The following OR6J1 variants were observed in gnomAD, a reference collection of about 807,000 sequenced individuals.
OR6J1 encodes the protein olfactory receptor family 6 subfamily J member 1.
For synonymous variants in OR6J1, 109 were observed against 70.0 expected, an observed-to-expected ratio of 1.56 and a Z score of -2.78; for missense variants, 304 against 166.8, an observed-to-expected ratio of 1.82 and a Z score of -4.53.
intron 1 of OR6J1, among the ~76,000 whole-genome samples, chr14:22,636,585 T>G (rs1398875006): frequency 8.6e-5 from 10 of 115,638 alleles, no homozygotes; most frequent in South Asian, 2.5e-4. Flanking sequence ...TGGTTTTCGT[T>G]TTTTTTTTTT....
rs577247029 is a variant in OR6J1, at chr14:22,637,926, C to T, written c.-27-3088G>A. Among the ~76,000 whole-genome samples the T allele has an allele frequency of 8.4e-4, 62 of 73,692 alleles. 6 individuals are homozygous for T. The highest frequency in any genetic ancestry group is 3.4e-3 in the South Asian group (8 of 2,364). 48.3% of individuals were successfully genotyped at this position (73,692 alleles called of 152,430 possible). ...GTGGGGGGGTCAGCCCCCGCCCGGC[C>T]GGCCGCCCCGTCCGGGAGGTGAGGG... On this transcript the variant is annotated intron_variant, in intron 1 of 1. Coordinates refer to ENST00000540461, the MANE Select transcript of OR6J1 (RefSeq NM_001348233.2).
At chr14:22,640,257 GC>G (rs2037634614) in intron 1 of OR6J1, among the ~76,000 whole-genome samples, 31 of 89,134 alleles carry the variant, frequency 3.5e-4, no homozygotes, top group Non-Finnish European at 5.3e-4. Context: ...AAGGAAGGAA[GC>G]AAGGAAGGAA....
rs932686643 is a variant in OR6J1, at chr14:22,631,049, G to A, written c.*2719C>T. On this transcript the variant is annotated 3_prime_UTR_variant, in exon 2 of 2. Coordinates refer to ENST00000540461, the MANE Select transcript of OR6J1 (RefSeq NM_001348233.2). ...ACTTTCAAAAGGGGAGGGAGTGTACGAATAGGTGTGGGTCACAGAGGTCAC... is the reference window on the plus strand; with the variant it reads ...ACTTTCAAAAGGGGAGGGAGTGTACAAATAGGTGTGGGTCACAGAGGTCAC... 1 of 152,140 alleles carries A rather than the reference G, an allele frequency of 6.6e-6. No individual in the cohort carries two copies. The highest frequency in any genetic ancestry group is 2.4e-5 in the African/African-American group (1 of 41,414). 9.4% of individuals were successfully genotyped at this position (152,140 alleles called of 1,614,324 possible). A position where few individuals can be genotyped will look rare whatever the true frequency, so the allele number is the denominator to read the frequency against.
chr14:22,641,727 C>A (rs3118891), intron 1 of OR6J1, among the ~76,000 whole-genome samples: 2 of 152,038 alleles, frequency 1.3e-5, no homozygotes, highest in Non-Finnish European at 2.9e-5. Context: ...TGCATGCCCT[C>A]GCACAGCTTT....
At chr14:22,639,389 C>T (rs1192151407) in intron 1 of OR6J1, among the ~76,000 whole-genome samples, 2 of 127,820 alleles carry the variant, frequency 1.6e-5, no homozygotes, top group South Asian at 2.4e-4. Context: ...CCCGGCCAGC[C>T]GCCCCGTCCG....
rs763874163 is a variant in OR6J1 at position 22,634,311 on chromosome 14, G to A, written c.501C>T (p.Phe167=). The change falls in exon 2 of 2, where the codon TTC becomes TTT. Residue 167 remains phenylalanine (F), a synonymous_variant. Coordinates refer to ENST00000540461, the MANE Select transcript of OR6J1 (RefSeq NM_001348233.2). The part of the protein sequence containing the change: ...FPTILISQLP[F]CGSNIINHFF... ...AGTGGTTAATGATATTGGAGCCACA[G>A]AAGGGCAGCTGGGAGATGAGGATGG... The A allele has an allele frequency of 4.3e-6, 3 of 703,462 alleles. No individual in the cohort carries two copies. Among genetic ancestry groups the A allele is most frequent in the East Asian group, 2.7e-5 (1 of 37,290 alleles). 43.6% of individuals were successfully genotyped at this position (703,462 alleles called of 1,614,324 possible). A position where few individuals can be genotyped will look rare whatever the true frequency, so the allele number is the denominator to read the frequency against.
chr14:22,640,132 C>T lies in OR6J1; in HGVS notation c.-28+3966G>A, dbSNP rs111873507. 3.4e-5 allele frequency among the ~76,000 whole-genome samples: 5 copies of T among 147,022 alleles called. 1 individual carries two copies. Among genetic ancestry groups the T allele is most frequent in the African/African-American group, 1.0e-4 (4 of 40,046 alleles). On this transcript the variant is annotated intron_variant, in intron 1 of 1. Transcript: ENST00000540461. ...ATAATTCTACTCCTAGGTAGAGAAA[C>T]TTGCACATATGCCCCAGGAGACAAA...
Position 22,634,240 on chromosome 14 carries a change from G to A in OR6J1, c.572C>T (p.Thr191Ile). Reference protein sequence around the residue: ...GPLLALACADTTAIELMDFML... With the variant: ...GPLLALACADITAIELMDFML... ...AAAATCCATCAGCTCGATGGCAGTG[G>A]TGTCTGCACAGGCCAGGGCCAGCAA... The change falls in exon 2 of 2, where the codon ACC becomes ATC. Residue 191 changes from threonine (T) to isoleucine (I), a missense_variant. By Grantham distance (89) the Thr-to-Ile change is moderately conservative. Transcript: ENST00000540461. The A allele has an allele frequency of 1.4e-6, 1 of 703,414 alleles. No individual in the cohort carries two copies. Among genetic ancestry groups the A allele is most frequent in the Non-Finnish European group, 2.6e-6 (1 of 385,014 alleles). 43.6% of individuals were successfully genotyped at this position (703,414 alleles called of 1,614,324 possible).
At chr14:22,635,634 A>C (rs772396618) in intron 1 of OR6J1, among the ~76,000 whole-genome samples, 3 of 152,222 alleles carry the variant, frequency 2.0e-5, no homozygotes, top group Non-Finnish European at 4.4e-5. Context: ...AAATATACAT[A>C]AAAATGACCA....
chr14:22,636,499 G>A (rs1240792014), intron 1 of OR6J1, among the ~76,000 whole-genome samples: 1 of 100,000 alleles, frequency 1.0e-5, no homozygotes, highest in Non-Finnish European at 1.9e-5. Flanking sequence ...TCGGCTCACT[G>A]CAGCCTCCCT....
chr14:22,639,237 G>T (rs1186209918), intron 1 of OR6J1, among the ~76,000 whole-genome samples: 3 of 125,992 alleles, frequency 2.4e-5, no homozygotes, highest in African/African-American at 1.2e-4. Flanking sequence ...GAGGTGGTGG[G>T]GGGTCAGCCC....
chr14:22,644,005 G>A (rs1486302506), intron 1 of OR6J1, 93 bp downstream of exon 1: 1 of 152,162 alleles, frequency 6.6e-6, no homozygotes, highest in Non-Finnish European at 1.5e-5. Flanking sequence ...ATATTAAGAA[G>A]CTTAATGAAG....
chr14:22,638,664 T>TAAAAA (rs1224047754), intron 1 of OR6J1, among the ~76,000 whole-genome samples: 1 of 30,976 alleles, frequency 3.2e-5, no homozygotes, highest in African/African-American at 3.2e-4. Context: ...AAAATAAAAA[T>TAAAAA]AAAAAAAAAA....
intron 1 of OR6J1, among the ~76,000 whole-genome samples, chr14:22,640,840 AT>A (rs141461967): frequency 6.7e-5 from 10 of 149,872 alleles, no homozygotes; most frequent in African/African-American, 2.0e-4. Flanking sequence ...TATTTTCAGT[AT>A]TTTTTTTTAC....
intron 1 of OR6J1, among the ~76,000 whole-genome samples, chr14:22,643,874 T>C (rs2037671646): frequency 6.6e-6 from 1 of 151,396 alleles, no homozygotes; most frequent in Admixed American, 6.6e-5. Flanking sequence ...AATTTGGACT[T>C]GGTCACCAAA....
At chr14:22,643,756 CACACACACAGAGAGAG>C (rs1378310580) in intron 1 of OR6J1, among the ~76,000 whole-genome samples, 251 of 73,106 alleles carry the variant, frequency 3.4e-3, no homozygotes, top group African/African-American at 0.013. Flanking sequence ...CACACACACA[CACACACACAGAGAGAG>C]AGAGAGAGAG....
intron 1 of OR6J1, among the ~76,000 whole-genome samples, chr14:22,643,569 T>C (rs1040388284): frequency 2.0e-5 from 3 of 152,022 alleles, no homozygotes; most frequent in African/African-American, 7.2e-5. Context: ...AGTGCTGAGA[T>C]TACAGGTGCA....
At chr14:22,640,406 A>C (rs1242767616) in intron 1 of OR6J1, among the ~76,000 whole-genome samples, 1 of 151,054 alleles carries the variant, frequency 6.6e-6, no homozygotes, top group African/African-American at 2.4e-5. Context: ...AGACAGGAGA[A>C]TAAATCATGA....
chr14:22,640,481 A>AGGT (rs2037637153), intron 1 of OR6J1, among the ~76,000 whole-genome samples: 1 of 144,092 alleles, frequency 6.9e-6, no homozygotes, highest in African/African-American at 2.7e-5. Context: ...AACAGTGAGA[A>AGGT]TGTATTTTTT....
Sources: allele counts gnomAD v4.1 joint callset (sites outside exome capture counted in the v4.1 genomes callset), GRCh38; gene constraint gnomAD v4.1.1; transcripts MANE v1.5; gene names NCBI Gene and HGNC (gene_info 2026-07-23, HGNC 2026-07-21).